The following PCBP3 variants were observed in gnomAD, a reference collection of about 807,000 sequenced individuals.
The protein encoded by PCBP3 is poly(rC)-binding protein 3.
In PCBP3, 25 loss-of-function variants were observed where a neutral mutation model predicts 52.7. The observed-to-expected ratio is 0.47, with a 90% confidence interval of 0.35 to 0.66. The LOEUF is 0.66. PCBP3 is among the 30% of genes least tolerant of loss of function. The pLI, the probability that PCBP3 is intolerant of heterozygous loss-of-function variation, is 0.01. For synonymous variants in PCBP3, 162 were observed against 183.0 expected, an observed-to-expected ratio of 0.89 and a Z score of 0.93; for missense variants, 391 against 490.3, an observed-to-expected ratio of 0.80 and a Z score of 1.91.
intron 4 of PCBP3, among the ~76,000 whole-genome samples, chr21:45,796,252 AT>A (rs2091914794): frequency 6.6e-6 from 1 of 152,260 alleles, no homozygotes; most frequent in Admixed American, 6.5e-5. Context: ...TTAAAAAAAA[AT>A]CTATAGGTAA....
chr21:45,681,354 A>G (rs1400166591), intron 2 of PCBP3, among the ~76,000 whole-genome samples: 1 of 152,246 alleles, frequency 6.6e-6, no homozygotes, highest in Non-Finnish European at 1.5e-5. Flanking sequence ...GAAGTACTAC[A>G]TTAATTGATT....
intron 4 of PCBP3, chr21:45,848,356 T>C (rs940678456): frequency 5.3e-5 from 8 of 151,990 alleles, no homozygotes; most frequent in Non-Finnish European, 1.2e-4. Context: ...CTACTTGGAG[T>C]GTGTGGTCTG....
chr21:45,914,196 G>A (rs966906235), intron 12 of PCBP3, 171 bp downstream of exon 12: 2 of 1,129,982 alleles, frequency 1.8e-6, no homozygotes, highest in Non-Finnish European at 1.2e-6. Flanking sequence ...GGACGCAGGG[G>A]GCCTTCAGAG....
At chr21:45,865,438 A>G (rs562746577) in intron 5 of PCBP3, among the ~76,000 whole-genome samples, 37 of 152,364 alleles carry the variant, frequency 2.4e-4, no homozygotes, top group African/African-American at 8.4e-4. Context: ...TCAGTGGAAG[A>G]TATCGCTGTT....
Position 45,787,159 on chromosome 21 carries a change from T to A in PCBP3, c.-126+31707T>A, listed in dbSNP as rs75409231. Among the ~76,000 whole-genome samples, 368 of 152,352 alleles carry A rather than the reference T, an allele frequency of 2.4e-3. 2 individuals are homozygous for A. Among genetic ancestry groups the A allele is most frequent in the African/African-American group, 8.5e-3 (355 of 41,578 alleles). ...AATGCTTGAAAATAGTTTCGCCTCC[T>A]TTTTAAGATTTTGCATGTGTTCATA... On this transcript the variant is annotated intron_variant, in intron 4 of 17. Transcript: ENST00000681687.
At chr21:45,913,930 C>G in intron 11 of PCBP3, 21 bp from the exon 12 acceptor site, 1 of 1,600,852 alleles carries the variant, frequency 6.2e-7, no homozygotes, top group African/African-American at 1.3e-5. Flanking sequence ...CTCTCTCTCC[C>G]TCTCCTGTCC....
chr21:45,870,545 C>T (rs2094958726), intron 5 of PCBP3, among the ~76,000 whole-genome samples: 1 of 152,246 alleles, frequency 6.6e-6, no homozygotes. Flanking sequence ...CCACCGCCTG[C>T]AGCCTTGTGC....
intron 4 of PCBP3, among the ~76,000 whole-genome samples, chr21:45,767,435 T>C (rs2089449255): frequency 6.6e-6 from 1 of 152,240 alleles, no homozygotes; most frequent in Non-Finnish European, 1.5e-5. Context: ...CATCCACTTA[T>C]TGATTAGTGA....
chr21:45,846,198 C>A (rs1251373031), intron 4 of PCBP3, among the ~76,000 whole-genome samples: 1 of 152,130 alleles, frequency 6.6e-6, no homozygotes, highest in African/African-American at 2.4e-5. Flanking sequence ...AATTTAGGGA[C>A]TTGTTAGGGA....
intron 2 of PCBP3, among the ~76,000 whole-genome samples, chr21:45,714,678 C>T (rs57328058): frequency 0.17 from 25,160 of 152,098 alleles, 2,178 homozygotes; most frequent in Middle Eastern, 0.31. Flanking sequence ...ATTTTTGAGA[C>T]GAATCCATGA....
At chr21:45,884,342 AT>A (rs1284926461) in intron 5 of PCBP3, among the ~76,000 whole-genome samples, 1 of 152,054 alleles carries the variant, frequency 6.6e-6, no homozygotes, top group African/African-American at 2.4e-5. Flanking sequence ...TATCAGTAGC[AT>A]TTTAGAGTAT....
chr21:45,763,449 T>G (rs1441155519), intron 4 of PCBP3: 1 of 152,462 alleles, frequency 6.6e-6, no homozygotes, highest in Non-Finnish European at 1.5e-5. Flanking sequence ...ATGGATTTGT[T>G]CCCTTGGCCT....
intron 1 of PCBP3, among the ~76,000 whole-genome samples, chr21:45,662,722 A>T (rs1191847234): frequency 1.3e-5 from 2 of 152,130 alleles, no homozygotes; most frequent in Admixed American, 1.3e-4. Context: ...ATAGGAGCTG[A>T]AGGGACATGA....
intron 5 of PCBP3, among the ~76,000 whole-genome samples, chr21:45,875,402 G>A (rs2095224673): frequency 6.6e-6 from 1 of 152,188 alleles, no homozygotes. Context: ...CCCAGTACTC[G>A]CCTTGCTGCT....
intron 2 of PCBP3, among the ~76,000 whole-genome samples, chr21:45,720,186 A>T (rs772635622): frequency 6.6e-6 from 1 of 152,140 alleles, no homozygotes; most frequent in Non-Finnish European, 1.5e-5. Flanking sequence ...TGTCATCTAC[A>T]TCAGGTATTT....
chr21:45,890,978 C>T (rs919505888), intron 5 of PCBP3, among the ~76,000 whole-genome samples: 2 of 149,836 alleles, frequency 1.3e-5, no homozygotes, highest in African/African-American at 4.9e-5. Flanking sequence ...CTCTGCACTG[C>T]TGAGGGGAAT....
chr21:45,798,069 A>C (rs547425394), intron 4 of PCBP3, among the ~76,000 whole-genome samples: 1 of 66,974 alleles, frequency 1.5e-5, no homozygotes, highest in African/African-American at 6.0e-5. Flanking sequence ...ATGGATGTGC[A>C]TGTGGATGAA....
At chr21:45,879,710 A>G (rs901907239) in intron 5 of PCBP3, among the ~76,000 whole-genome samples, 11 of 66,434 alleles carry the variant, frequency 1.7e-4, no homozygotes, top group African/African-American at 3.6e-4. Flanking sequence ...ACACCTCTAA[A>G]TAATGCCCTA....
At chr21:45,896,745 G>A (rs866363364) in intron 6 of PCBP3, among the ~76,000 whole-genome samples, 763 of 146,860 alleles carry the variant, frequency 5.2e-3, no homozygotes, top group African/African-American at 0.018. Context: ...GTCTCTGTAG[G>A]AAAGGCAGAC....
Sources: allele counts gnomAD v4.1 joint callset (sites outside exome capture counted in the v4.1 genomes callset), GRCh38; gene constraint gnomAD v4.1.1; transcripts MANE v1.5; gene names NCBI Gene and HGNC (gene_info 2026-07-23, HGNC 2026-07-21).